GSTK1: variants seen among roughly 807,000 people sequenced by gnomAD.
GSTK1 encodes GST class-kappa.
In GSTK1, 25 loss-of-function variants were observed where a neutral mutation model predicts 30.9. The ratio of observed to expected loss-of-function variants is 0.81; its 90% CI spans 0.59 to 1.13. GSTK1 has a LOEUF of 1.13. Among genes scored for constraint, GSTK1 ranks in the 50% most tolerant of loss-of-function variants. The probability of loss-of-function intolerance (pLI) is 0.00; values close to 1 mark genes in which losing one functional copy is unlikely to be tolerated. For synonymous variants in GSTK1, 108 were observed against 112.5 expected, an observed-to-expected ratio of 0.96 and a Z score of 0.25; for missense variants, 292 against 292.4, an observed-to-expected ratio of 1.00 and a Z score of 0.01.
chr7:143,266,653 C>CTTTTTTTTTTTT (rs35527374), intron 5 of GSTK1, among the ~76,000 whole-genome samples: 4 of 63,332 alleles, frequency 6.3e-5, no homozygotes, highest in African/African-American at 1.5e-4. Flanking sequence ...TTCTTTCTTT[C>CTTTTTTTTTTTT]TTTTTTTTTT....
Position 143,268,188 on chromosome 7 carries a change from A to G in GSTK1, c.631+4A>G. The G allele has an allele frequency of 6.2e-7, 1 of 1,611,672 alleles. No individual in the cohort carries two copies. Among genetic ancestry groups the G allele is most frequent in the Non-Finnish European group, 8.5e-7 (1 of 1,178,390 alleles). On this transcript the variant is annotated splice_donor_region_variant and intron_variant, in intron 7 of 7. Coordinates refer to ENST00000358406, the MANE Select transcript of GSTK1 (RefSeq NM_015917.3). The surrounding 1 kb of genome is among the most constrained non-coding windows in gnomAD (Gnocchi z 4.1). Reference sequence around the variant, plus strand: ...GAGCTGCTGGCGCACCTGCTGGGTAAGTAAGTTAAAGAATCAACCCTGAGC... The same window carrying G: ...GAGCTGCTGGCGCACCTGCTGGGTAGGTAAGTTAAAGAATCAACCCTGAGC...
In GSTK1 at chr7:143,264,639, C is replaced by T. The variant is rs374735718; in HGVS notation, c.246C>T (p.His82=). 3.1e-6 allele frequency: 5 copies of T among 1,614,096 alleles called. No individual in the cohort carries two copies. The highest frequency in any genetic ancestry group is 4.2e-6 in the Non-Finnish European group (5 of 1,179,960). ...GACACCATCTCCAGATTCCCATCCACTTCCCCAAGGATTTCTTGTCTGTGA... is the reference window on the plus strand; with the variant it reads ...GACACCATCTCCAGATTCCCATCCATTTCCCCAAGGATTTCTTGTCTGTGA... ...LLRHHLQIPI[H]FPKDFLSVML... is the part of the protein sequence containing the mutation. The change falls in exon 3 of 8, where the codon CAC becomes CAT. Residue 82 remains histidine, a synonymous_variant. Transcript: ENST00000358406.
chr7:143,264,902 C>A (rs1444715075), intron 3 of GSTK1, 90 bp from the exon 4 acceptor site: 5 of 1,420,360 alleles, frequency 3.5e-6, no homozygotes, highest in African/African-American at 1.4e-5. Context: ...GGCGGAGGAG[C>A]TCTGGGGGAT....
At chr7:143,266,441 G>A (rs1800880615) in intron 5 of GSTK1, among the ~76,000 whole-genome samples, 2 of 151,906 alleles carry the variant, frequency 1.3e-5, no homozygotes, top group Non-Finnish European at 2.9e-5. Flanking sequence ...AACATTTTGT[G>A]TAGGACATAA....
At chr7:143,264,029 G>A (rs931040021) in intron 1 of GSTK1, 57 bp from the exon 2 acceptor site, 20 of 1,500,164 alleles carry the variant, frequency 1.3e-5, no homozygotes, top group Non-Finnish European at 1.9e-5. Flanking sequence ...CCTTTCCCTC[G>A]GCTCTTTCAC....
chr7:143,267,823 AAAGCCCCCTTTCC>A (rs1234353757), intron 6 of GSTK1, 90 bp downstream of exon 6: 2 of 899,312 alleles, frequency 2.2e-6, no homozygotes, highest in Admixed American at 3.8e-5. Flanking sequence ...CTCCTGTACA[AAAGCCCCCTTTCC>A]AAGTGTTCTC....
chr7:143,265,175 T>C (rs757880637), intron 4 of GSTK1, 83 bp downstream of exon 4: 2 of 1,609,294 alleles, frequency 1.2e-6, no homozygotes, highest in Non-Finnish European at 1.7e-6. Context: ...AGGGTCATGA[T>C]CCTGCCCCCG....
chr7:143,264,064 C>T, intron 1 of GSTK1, 22 bp from the exon 2 acceptor site: 1 of 1,610,540 alleles, frequency 6.2e-7, no homozygotes, highest in Non-Finnish European at 8.5e-7. Flanking sequence ...CACTGGCAAT[C>T]GTTCTTGACC....
intron 1 of GSTK1, 54 bp downstream of exon 1, chr7:143,263,639 A>C: frequency 6.5e-7 from 1 of 1,527,648 alleles, no homozygotes; most frequent in Non-Finnish European, 9.0e-7. Flanking sequence ...GGCGGAGGGA[A>C]GAGTGAGCGC....
Position 143,268,730 on chromosome 7 carries a change from C to G in GSTK1, c.632-58C>G, listed in dbSNP as rs1800953521. The stretch of plus-strand genomic sequence containing the variant: ...AACCCCTGGGACCTTGTGGGACCAA[C>G]TCCTGCTGCCAGAACACCTGAGAAC... On this transcript the variant is annotated intron_variant, in intron 7 of 7. Coordinates refer to ENST00000358406, the MANE Select transcript of GSTK1 (RefSeq NM_015917.3). This position sits in a 1 kb window ranked among gnomAD's most constrained non-coding sequence, Gnocchi z 4.1. 2.0e-6 allele frequency: 3 copies of G among 1,532,122 alleles called. No individual in the cohort carries two copies. The African/African-American group carries it at 4.1e-5, about 21-fold the overall frequency. 94.9% of individuals were successfully genotyped at this position (1,532,122 alleles called of 1,614,324 possible). A position where few individuals can be genotyped will look rare whatever the true frequency, so the allele number is the denominator to read the frequency against.
intron 2 of GSTK1, 52 bp downstream of exon 2, chr7:143,264,219 A>G (rs528059411): frequency 2.7e-6 from 4 of 1,482,608 alleles, no homozygotes; most frequent in African/African-American, 2.8e-5. Context: ...AAGAGAGCCG[A>G]CCCCAGCGGG....
rs41275042 is a variant in GSTK1 at position 143,267,678 on chromosome 7, C to T, written c.482C>T (p.Thr161Met). ...QAQGLLEKIA[T>M]PKVKNQLKET... ...CAGGGACTTCTGGAAAAGATCGCAA[C>T]GCCAAAGGTGAAGAACCAGCTCAAG... is the stretch of plus-strand genomic sequence containing the variant. The change falls in exon 6 of 8, where the codon ACG becomes ATG. Residue 161 changes from threonine (T) to methionine (M), a missense_variant. By Grantham distance (81) the Thr-to-Met change is moderately conservative. Transcript: ENST00000358406. The T allele has an allele frequency of 5.0e-4, 800 of 1,614,124 alleles. No homozygotes were observed. The highest frequency in any genetic ancestry group is 6.2e-4 in the Non-Finnish European group (728 of 1,179,996).
Position 143,265,004 on chromosome 7 carries a change from C to T in GSTK1, c.296C>T (p.Ala99Val). The change falls in exon 4 of 8, where the codon GCC (alanine) becomes GTC (valine). Residue 99 changes from alanine (A) to valine (V), a missense_variant. Coordinates refer to ENST00000358406, the MANE Select transcript of GSTK1 (RefSeq NM_015917.3). ...CTCTGCCCCACAGGAAGTTTGTCTG[C>T]CATGCGTTTCCTCACCGCCGTGAAC... is the stretch of plus-strand genomic sequence containing the variant. ...SVMLEKGSLSAMRFLTAVNLE... is the reference protein window; with the variant it reads ...SVMLEKGSLSVMRFLTAVNLE... The T allele has an allele frequency of 9.3e-6, 15 of 1,613,964 alleles. No individual in the cohort carries two copies. The highest frequency in any genetic ancestry group is 1.3e-5 in the Non-Finnish European group (15 of 1,179,930).
chr7:143,268,914 C>A lies in GSTK1; in HGVS notation c.*77C>A. The A allele has an allele frequency of 8.2e-7, 1 of 1,221,368 alleles. No homozygotes were observed. Among genetic ancestry groups the A allele is most frequent in the Non-Finnish European group, 1.2e-6 (1 of 823,420 alleles). The allele number at this position is 1,221,368 out of a possible 1,614,324, so 75.7% of individuals were successfully genotyped here. ...TAACCCTTGGCTCCACCATAAGGCA[C>A]TGGGACTCGGATTTCTCTATCTGAT... On this transcript the variant is annotated 3_prime_UTR_variant, in exon 8 of 8. Coordinates refer to ENST00000358406, the MANE Select transcript of GSTK1 (RefSeq NM_015917.3). This position sits in a 1 kb window ranked among gnomAD's most constrained non-coding sequence, Gnocchi z 4.1.
At chr7:143,265,662 A>C (rs933904355) in intron 5 of GSTK1, among the ~76,000 whole-genome samples, 3 of 152,358 alleles carry the variant, frequency 2.0e-5, no homozygotes, top group South Asian at 2.1e-4. Flanking sequence ...AGTGGAAGGC[A>C]GGAGACTTGT....
intron 1 of GSTK1, 192 bp downstream of exon 1, chr7:143,263,777 G>A (rs1236614625): frequency 6.5e-6 from 4 of 611,730 alleles, no homozygotes; most frequent in Non-Finnish European, 8.6e-6. Context: ...GCTCCAACCC[G>A]AGCCTTTATA....
In GSTK1 at chr7:143,265,078, C is replaced by T. The variant is rs752132541; in HGVS notation, c.370C>T (p.Arg124Cys). The T allele has an allele frequency of 1.9e-6, 3 of 1,614,088 alleles. No individual in the cohort carries two copies. The highest frequency in any genetic ancestry group is 2.2e-5 in the East Asian group (1 of 44,866). The change falls in exon 4 of 8, where the codon CGC (arginine) becomes TGC (cysteine). Residue 124 changes from arginine to cysteine, a missense_variant. Transcript: ENST00000358406. ...LEKASRELWM[R>C]VWSRNEDITE... ...GAAAGCGTCCCGGGAGCTGTGGATG[C>T]GCGTCTGGTCAAGGGTGAGTGTGGG...
At position 143,264,082 on chromosome 7, in the gene GSTK1, G is replaced by A. The variant is rs1563047057; in HGVS notation, c.73-4G>A. The A allele has an allele frequency of 1.2e-6, 2 of 1,613,512 alleles. No individual in the cohort carries two copies. Among genetic ancestry groups the A allele is most frequent in the Non-Finnish European group, 8.5e-7 (1 of 1,179,600 alleles). ...TGGCAATCGTTCTTGACCTCTGCCC[G>A]CAGATCCTGTGCCGGTATCAGAATA... On this transcript the variant is annotated splice_polypyrimidine_tract_variant and splice_region_variant and intron_variant, in intron 1 of 7. Transcript: ENST00000358406.
Position 143,268,686 on chromosome 7 carries a change from A to G in GSTK1, c.632-102A>G, listed in dbSNP as rs1586428509. The stretch of plus-strand genomic sequence containing the variant: ...GGAAGCCTTCTATACCTTGAAGCCA[A>G]GCAAAAGTCTTTCTAGAAAACCCCT... On this transcript the variant is annotated intron_variant, in intron 7 of 7. Transcript: ENST00000358406. This position sits in a 1 kb window ranked among gnomAD's most constrained non-coding sequence, Gnocchi z 4.1. 1 of 1,036,234 alleles carries G rather than the reference A, an allele frequency of 9.7e-7. No individual in the cohort carries two copies. The highest frequency in any genetic ancestry group is 2.4e-5 in the East Asian group (1 of 41,806). 64.2% of individuals were successfully genotyped at this position (1,036,234 alleles called of 1,614,324 possible).
Sources: gnomAD v4.1 joint callset for allele counts (sites outside exome capture counted in the v4.1 genomes callset) on GRCh38, gnomAD v4.1.1 for gene constraint, Gnocchi (gnomAD v3.1) non-coding constraint, MANE v1.5 for transcripts, NCBI Gene and HGNC (gene_info 2026-07-23, HGNC 2026-07-21) for gene names.